Variants in ARHGEF4 observed in about 807,000 individuals in gnomAD.
ARHGEF4 encodes APC-stimulated guanine nucleotide exchange factor 1.
Under a neutral mutation model 162.0 loss-of-function variants are expected in ARHGEF4, and 119 were observed. The observed-to-expected ratio is 0.73, with a 90% CI of 0.63 to 0.86. The LOEUF (loss-of-function observed/expected upper bound fraction) is 0.86, where lower values mean the gene tolerates loss of function less well. Among genes scored for constraint, ARHGEF4 ranks in the 40% least tolerant of loss-of-function variants. The probability of loss-of-function intolerance (pLI) is 0.00; values close to 1 mark genes in which losing one functional copy is unlikely to be tolerated. For synonymous variants in ARHGEF4, 1,014 were observed against 979.9 expected (o/e 1.03, Z -0.65); for missense variants, 2,488 against 2,456.0 (o/e 1.01, Z -0.28).
At chr2:130,938,689 CTTG>C (rs1468211423) in intron 3 of ARHGEF4, among the ~76,000 whole-genome samples, 2 of 152,044 alleles carry the variant, frequency 1.3e-5, no homozygotes, top group Non-Finnish European at 2.9e-5. Context: ...TAGTCTGTAG[CTTG>C]TTTTTTCATC....
rs976335739 is a variant in ARHGEF4 at position 130,914,948 on chromosome 2, G to C, written c.1002G>C (p.Leu334=). 1.3e-6 allele frequency: 2 copies of C among 1,548,478 alleles called. No homozygotes were observed. Among genetic ancestry groups the C allele is most frequent in the African/African-American group, 2.7e-5 (2 of 73,042 alleles). ...PRLNCGHMRA[L]VRAHSIAGFS... ...TCAACTGTGGGCACATGAGGGCACT[G>C]GTCAGGGCCCATTCCATAGCAGGGT... The change falls in exon 2 of 14, where the codon CTG becomes CTC. Residue 334 remains leucine, a synonymous_variant. Transcript: ENST00000409359.
In ARHGEF4 at chr2:131,031,310, G is replaced by A. The variant is rs1002165094; in HGVS notation, c.4125+3226G>A. Among the ~76,000 whole-genome samples, 8 of 152,348 alleles carry A rather than the reference G, an allele frequency of 5.3e-5. 1 individual carries two copies. In the East Asian group the frequency reaches 1.2e-3, roughly 22 times the overall value. On this transcript the variant is annotated intron_variant, in intron 5 of 13. Coordinates refer to ENST00000409359, the MANE Select transcript of ARHGEF4 (RefSeq NM_001367493.1). ...ATGCAAACCCTCTGGCCTGGAGAGC[G>A]GCCCACTCGGGGCAGAGCCGCGAGG...
chr2:130,890,801 C>A (rs1389179639), intron 1 of ARHGEF4, among the ~76,000 whole-genome samples: 1 of 151,972 alleles, frequency 6.6e-6, no homozygotes, highest in Non-Finnish European at 1.5e-5. Context: ...TTTTTTTAAA[C>A]ATAGTAAACA....
chr2:130,876,549 A>T (rs1415885084), intron 1 of ARHGEF4, among the ~76,000 whole-genome samples: 1 of 151,754 alleles, frequency 6.6e-6, no homozygotes, highest in Non-Finnish European at 1.5e-5. Flanking sequence ...CCGCCAACAT[A>T]CTCGGCTAAT....
chr2:130,975,284 G>A (rs975568908), intron 4 of ARHGEF4, among the ~76,000 whole-genome samples: 1 of 152,114 alleles, frequency 6.6e-6, no homozygotes, highest in Non-Finnish European at 1.5e-5. Flanking sequence ...GACATCTTGG[G>A]GCCTTCCAGA....
chr2:131,022,870 A>C (rs565950772), intron 4 of ARHGEF4, among the ~76,000 whole-genome samples: 1 of 151,832 alleles, frequency 6.6e-6, no homozygotes, highest in Non-Finnish European at 1.5e-5. Flanking sequence ...AACCCTTTTT[A>C]AGGCAATGAA....
intron 4 of ARHGEF4, among the ~76,000 whole-genome samples, chr2:131,025,638 T>C (rs1342046378): frequency 6.6e-6 from 1 of 152,236 alleles, no homozygotes; most frequent in African/African-American, 2.4e-5. Context: ...TTTATTTACT[T>C]AACATTTCCT....
At chr2:130,993,204 ATCAT>A (rs1283092200) in intron 4 of ARHGEF4, among the ~76,000 whole-genome samples, 3 of 152,242 alleles carry the variant, frequency 2.0e-5, no homozygotes, top group Non-Finnish European at 2.9e-5. Context: ...CATTTTAATT[ATCAT>A]TCAGTTTGAA....
At chr2:131,003,536 A>G (rs545986709) in intron 4 of ARHGEF4, among the ~76,000 whole-genome samples, 1 of 152,332 alleles carries the variant, frequency 6.6e-6, no homozygotes, top group East Asian at 1.9e-4. Context: ...CACCAGGCTG[A>G]GTTGCCTGTG....
At chr2:130,851,632 T>C (rs1287850080) in intron 1 of ARHGEF4, among the ~76,000 whole-genome samples, 1 of 152,208 alleles carries the variant, frequency 6.6e-6, no homozygotes, top group Non-Finnish European at 1.5e-5. Flanking sequence ...AGGGCAGAGC[T>C]CGACACTATG....
At chr2:130,901,015 G>C (rs376664232) in intron 1 of ARHGEF4, among the ~76,000 whole-genome samples, 45 of 152,202 alleles carry the variant, frequency 3.0e-4, no homozygotes, top group African/African-American at 1.1e-3. Context: ...ACAGGATAGA[G>C]AGCACTTTCC....
intron 4 of ARHGEF4, among the ~76,000 whole-genome samples, chr2:131,005,060 G>A (rs952873359): frequency 6.6e-6 from 1 of 152,234 alleles, no homozygotes; most frequent in Non-Finnish European, 1.5e-5. Flanking sequence ...GGGTGGCTGA[G>A]TATGGCTGAG....
chr2:130,946,202 A>C (rs554419078), intron 3 of ARHGEF4, among the ~76,000 whole-genome samples: 1 of 152,278 alleles, frequency 6.6e-6, no homozygotes, highest in South Asian at 2.1e-4. Flanking sequence ...TTTCGGGGAG[A>C]TATCAGGCTG....
chr2:130,950,629 C>T (rs1220321951), intron 4 of ARHGEF4, among the ~76,000 whole-genome samples: 2 of 152,044 alleles, frequency 1.3e-5, no homozygotes, highest in African/African-American at 4.8e-5. Context: ...CGGTCATCAC[C>T]AGTCCATTTT....
chr2:130,964,257 C>T (rs1684836743), intron 4 of ARHGEF4: 2 of 985,818 alleles, frequency 2.0e-6, no homozygotes, highest in Non-Finnish European at 1.2e-6. Context: ...CCGGTAAGGA[C>T]GCCGCCATCC....
rs890523063 is a variant in ARHGEF4 at position 130,837,081 on chromosome 2, C to T, written c.39+89C>T. 2.0e-5 allele frequency: 23 copies of T among 1,176,182 alleles called. 1 individual carries two copies. In the South Asian group the frequency reaches 6.0e-4, roughly 31 times the overall value. 72.9% of individuals were successfully genotyped at this position (1,176,182 alleles called of 1,614,324 possible). A position where few individuals can be genotyped will look rare whatever the true frequency, so the allele number is the denominator to read the frequency against. On this transcript the variant is annotated intron_variant, in intron 1 of 13. Coordinates refer to ENST00000409359, the MANE Select transcript of ARHGEF4 (RefSeq NM_001367493.1). ...ACAGCCCGCGCTGGCTGCTGCGCCC[C>T]GGGCCGTCCCCTGGGCACCCGGTGG...
intron 2 of ARHGEF4, among the ~76,000 whole-genome samples, chr2:130,924,712 G>A (rs6751225): frequency 0.05 from 7,664 of 152,284 alleles, 581 homozygotes; most frequent in African/African-American, 0.16. Flanking sequence ...CTGGCTGGAG[G>A]GGCTTAGGAA....
chr2:130,988,923 GAGAGAGAGAGAGAA>G (rs1350855711), intron 4 of ARHGEF4, among the ~76,000 whole-genome samples: 1 of 149,940 alleles, frequency 6.7e-6, no homozygotes, highest in Admixed American at 6.7e-5. Flanking sequence ...GAGAGAGAGA[GAGAGAGAGAGAGAA>G]AGATTCCAAA....
chr2:130,991,557 C>T (rs143456427), intron 4 of ARHGEF4, among the ~76,000 whole-genome samples: 5,106 of 152,304 alleles, frequency 0.034, 229 homozygotes, highest in African/African-American at 0.11. Flanking sequence ...CCGGCCCTGC[C>T]GGCCCCGGGC....
Sources: allele counts gnomAD v4.1 joint callset (sites outside exome capture counted in the v4.1 genomes callset), GRCh38; gene constraint gnomAD v4.1.1; transcripts MANE v1.5; gene names NCBI Gene and HGNC (gene_info 2026-07-23, HGNC 2026-07-21).